AKR1C4: variants seen among roughly 807,000 people sequenced by gnomAD.
AKR1C4 encodes the protein aldo-keto reductase family 1 member C4.
AKR1C4 carries 44 observed loss-of-function variants against 41.0 expected under a neutral mutation model. That is an observed-to-expected ratio of 1.07 (90% confidence interval 0.84 to 1.38). The LOEUF (loss-of-function observed/expected upper bound fraction) is 1.38, where lower values mean the gene tolerates loss of function less well. Among genes scored for constraint, AKR1C4 ranks in the 40% most tolerant of loss-of-function variants. The pLI is 0.00. For missense variants in AKR1C4, 438 were observed against 387.9 expected (o/e 1.13, Z -1.09); for synonymous variants, 165 against 137.7 (o/e 1.20, Z -1.39).
intron 7 of AKR1C4, among the ~76,000 whole-genome samples, chr10:5,216,374 G>T (rs1369578406): frequency 6.6e-6 from 1 of 152,136 alleles, no homozygotes; most frequent in Non-Finnish European, 1.5e-5. Flanking sequence ...CCATCAAACT[G>T]TCTAAATTAT....
chr10:5,218,229 C>T, intron 8 of AKR1C4, among the ~76,000 whole-genome samples: 1 of 152,084 alleles, frequency 6.6e-6, no homozygotes, highest in East Asian at 1.9e-4. Context: ...ATGTCTGAAT[C>T]AAAGAAAATA....
At chr10:5,211,133 C>T (rs1832569874) in intron 5 of AKR1C4, among the ~76,000 whole-genome samples, 2 of 152,190 alleles carry the variant, frequency 1.3e-5, no homozygotes, top group African/African-American at 4.8e-5. Context: ...CCTAGACCTC[C>T]ACCTCCCTCT....
intron 1 of AKR1C4, among the ~76,000 whole-genome samples, chr10:5,197,950 C>G (rs1306572036): frequency 6.7e-6 from 1 of 150,082 alleles, no homozygotes; most frequent in African/African-American, 2.5e-5. Context: ...GGTAGTGCAA[C>G]CTGGCATCTA....
chr10:5,218,846 C>T lies in AKR1C4; in HGVS notation c.*86C>T. 7.2e-7 allele frequency: 1 copy of T among 1,386,760 alleles called. No individual in the cohort carries two copies. Among genetic ancestry groups the T allele is most frequent in the Non-Finnish European group, 1.0e-6 (1 of 979,336 alleles). 85.9% of individuals were successfully genotyped at this position (1,386,760 alleles called of 1,614,324 possible). A position where few individuals can be genotyped will look rare whatever the true frequency, so the allele number is the denominator to read the frequency against. On this transcript the variant is annotated 3_prime_UTR_variant, in exon 9 of 9. Coordinates refer to ENST00000263126, the MANE Select transcript of AKR1C4 (RefSeq NM_001818.5). ...ATGTCTCTATGCTGGTGACTGGACA[C>T]ACAGCCTCTGGTTAAATCCCTCCCC...
Position 5,212,699 on chromosome 10 carries a change from T to C in AKR1C4, c.654T>C (p.Ala218=), listed in dbSNP as rs782067191. Residue 218 remains alanine (A), a synonymous_variant, in exon 6 of 9, where the codon GCT becomes GCC. Transcript: ENST00000263126. ...SKDIVLVAHS[A]LGTQRHKLWV... ...ACATTGTTCTGGTTGCCCACAGTGCTCTGGGAACCCAACGACATAAACTAT... is the reference window on the plus strand; with the variant it reads ...ACATTGTTCTGGTTGCCCACAGTGCCCTGGGAACCCAACGACATAAACTAT... The C allele has an allele frequency of 6.2e-7, 1 of 1,613,748 alleles. No homozygotes were observed. Among genetic ancestry groups the C allele is most frequent in the South Asian group, 1.1e-5 (1 of 90,982 alleles).
chr10:5,212,961 T>TCAA, intron 6 of AKR1C4, 33 bp from the exon 7 acceptor site: 1 of 1,609,976 alleles, frequency 6.2e-7, no homozygotes, highest in Non-Finnish European at 8.5e-7. Context: ...GAATCCAGCC[T>TCAA]CAAGACTTCA....
At chr10:5,204,540 A>G (rs1554797258) in intron 3 of AKR1C4, 47 bp downstream of exon 3, 2 of 1,350,620 alleles carry the variant, frequency 1.5e-6, no homozygotes, top group Admixed American at 3.4e-5. Flanking sequence ...CAGCATGACC[A>G]TCCTTTATGA....
chr10:5,202,723 A>G (rs1159441872), intron 2 of AKR1C4, among the ~76,000 whole-genome samples: 1 of 152,024 alleles, frequency 6.6e-6, no homozygotes, highest in East Asian at 1.9e-4. Context: ...GCTTTTTTGC[A>G]TCTATTGAAA....
intron 5 of AKR1C4, among the ~76,000 whole-genome samples, chr10:5,210,268 G>A (rs1832552086): frequency 6.6e-6 from 1 of 152,198 alleles, no homozygotes; most frequent in African/African-American, 2.4e-5. Context: ...TGGTTCCTAT[G>A]TTCTTGGGCA....
chr10:5,216,672 A>G (rs782626293), intron 7 of AKR1C4, 39 bp from the exon 8 acceptor site: 4 of 1,486,776 alleles, frequency 2.7e-6, no homozygotes, highest in South Asian at 1.2e-5. Context: ...GTTGACAATT[A>G]TGCAATCTAA....
chr10:5,208,529 A>G (rs955978957), intron 5 of AKR1C4, among the ~76,000 whole-genome samples: 1 of 151,590 alleles, frequency 6.6e-6, no homozygotes, highest in African/African-American at 2.4e-5. Flanking sequence ...ATATGAGTAT[A>G]TCTGCATCAA....
intron 5 of AKR1C4, among the ~76,000 whole-genome samples, chr10:5,207,001 C>T (rs759632709): frequency 4.6e-5 from 7 of 152,244 alleles, no homozygotes; most frequent in Non-Finnish European, 8.8e-5. Context: ...AAGGATGTGG[C>T]GTGCTACCCC....
chr10:5,206,245 A>G (rs2132130562), intron 4 of AKR1C4, 30 bp from the exon 5 acceptor site: 2 of 1,613,848 alleles, frequency 1.2e-6, no homozygotes, highest in East Asian at 2.2e-5. Context: ...CAACTGCACA[A>G]ATAATTCCTC....
At chr10:5,201,040 T>C (rs1708332370) in intron 2 of AKR1C4, among the ~76,000 whole-genome samples, 1 of 152,202 alleles carries the variant, frequency 6.6e-6, no homozygotes, top group African/African-American at 2.4e-5. Context: ...TTCATATTTC[T>C]ACAATTGTGA....
At chr10:5,215,159 C>A (rs895654553) in intron 7 of AKR1C4, among the ~76,000 whole-genome samples, 4 of 152,048 alleles carry the variant, frequency 2.6e-5, no homozygotes, top group African/African-American at 4.8e-5. Flanking sequence ...GGTTCATGTA[C>A]TTATAAGATT....
At chr10:5,202,257 G>T (rs2151895) in intron 2 of AKR1C4, among the ~76,000 whole-genome samples, 1 of 152,022 alleles carries the variant, frequency 6.6e-6, no homozygotes, top group East Asian at 1.9e-4. Flanking sequence ...ATATTCTTAG[G>T]GATTTTATTT....
At chr10:5,202,961 G>T (rs1297871012) in intron 2 of AKR1C4, among the ~76,000 whole-genome samples, 4,048 of 150,056 alleles carry the variant, frequency 0.027, 208 homozygotes, top group African/African-American at 0.09. Context: ...GTGTGTGTGT[G>T]TGTGTGTGTG....
intron 7 of AKR1C4, 130 bp from the exon 8 acceptor site, chr10:5,216,581 C>G (rs1832660488): frequency 1.6e-6 from 1 of 621,906 alleles, no homozygotes; most frequent in Middle Eastern, 4.2e-4. Context: ...TAGAGATGGT[C>G]TTTCATAACT....
intron 1 of AKR1C4, 51 bp from the exon 2 acceptor site, chr10:5,200,130 T>C (rs1482468779): frequency 1.9e-6 from 3 of 1,568,712 alleles, no homozygotes; most frequent in Middle Eastern, 3.4e-4. Context: ...CCTGTTTCAC[T>C]ACCTCTCAAG....
Sources: allele counts gnomAD v4.1 joint callset (sites outside exome capture counted in the v4.1 genomes callset), GRCh38; gene constraint gnomAD v4.1.1; transcripts MANE v1.5; gene names NCBI Gene and HGNC (gene_info 2026-07-23, HGNC 2026-07-21).